FA2H: variants seen among roughly 807,000 people sequenced by gnomAD.
The protein encoded by FA2H is fatty acid 2-hydroxylase, also known as fatty acid alpha-hydroxylase.
FA2H carries 22 observed loss-of-function variants against 44.9 expected under a neutral mutation model. That is an observed-to-expected ratio of 0.49 (90% confidence interval 0.35 to 0.70). FA2H has a LOEUF of 0.70. Among genes scored for constraint, FA2H ranks in the 30% least tolerant of loss-of-function variants. FA2H has a pLI of 0.01. For synonymous variants in FA2H, 243 were observed against 213.2 expected (o/e 1.14, Z -1.22); for missense variants, 501 against 504.9 (o/e 0.99, Z 0.07).
At chr16:74,715,806 C>T (rs1367858249) in intron 6 of FA2H, among the ~76,000 whole-genome samples, 1 of 150,440 alleles carries the variant, frequency 6.6e-6, no homozygotes, top group Non-Finnish European at 1.5e-5. Context: ...TTACTTTCTT[C>T]TTCTTCTTCT....
In FA2H at chr16:74,726,683, G is replaced by A. The variant is rs138611569; in HGVS notation, c.507-352C>T. Reference sequence around the variant, plus strand: ...ATTACAGGCGTGAGCCACCATGCCCGGCAGGGTCCAGCTTTCTTAGAGACA... The same window carrying A: ...ATTACAGGCGTGAGCCACCATGCCCAGCAGGGTCCAGCTTTCTTAGAGACA... On this transcript the variant is annotated intron_variant, in intron 3 of 6. Coordinates refer to ENST00000219368, the MANE Select transcript of FA2H (RefSeq NM_024306.5). Among the ~76,000 whole-genome samples the A allele has an allele frequency of 5.3e-5, 8 of 152,290 alleles. No homozygotes were observed. In the East Asian group the frequency reaches 5.8e-4, roughly 11 times the overall value.
intron 1 of FA2H, among the ~76,000 whole-genome samples, chr16:74,771,275 C>T (rs1196140522): frequency 1.3e-5 from 2 of 152,172 alleles, no homozygotes; most frequent in Non-Finnish European, 2.9e-5. Context: ...ACTGCAACTT[C>T]TGCCTCCTGG....
intron 1 of FA2H, among the ~76,000 whole-genome samples, chr16:74,761,003 G>C (rs1260269031): frequency 6.6e-6 from 1 of 152,152 alleles, no homozygotes; most frequent in African/African-American, 2.4e-5. Flanking sequence ...GAGAATGGAT[G>C]CTGGGCTTAA....
intron 1 of FA2H, among the ~76,000 whole-genome samples, chr16:74,741,808 A>ATATATATATATGTGTGTGTGTGTG (rs1491185782): frequency 4.1e-5 from 2 of 48,416 alleles, no homozygotes; most frequent in African/African-American, 2.2e-4. Context: ...ATATATATAT[A>ATATATATATATGTGTGTGTGTGTG]TGTGTGTGTG....
chr16:74,725,516 A>G (rs950912927), intron 4 of FA2H, among the ~76,000 whole-genome samples: 2 of 152,144 alleles, frequency 1.3e-5, no homozygotes, highest in Non-Finnish European at 2.9e-5. Flanking sequence ...TCTGCCCCCC[A>G]GCTAGAAGCT....
chr16:74,731,875 CTTTCTT>C (rs1310027717), intron 2 of FA2H, among the ~76,000 whole-genome samples: 2 of 152,018 alleles, frequency 1.3e-5, no homozygotes, highest in Non-Finnish European at 2.9e-5. Flanking sequence ...TCCCCTGGTC[CTTTCTT>C]TTTCTTTTTG....
intron 6 of FA2H, among the ~76,000 whole-genome samples, chr16:74,714,990 C>T (rs1451856833): frequency 6.6e-6 from 1 of 151,962 alleles, no homozygotes; most frequent in Non-Finnish European, 1.5e-5. Flanking sequence ...GCGCGCACCA[C>T]CATATCCAGC....
At chr16:74,720,087 C>T (rs569208260) in intron 4 of FA2H, among the ~76,000 whole-genome samples, 52 of 149,850 alleles carry the variant, frequency 3.5e-4, no homozygotes, top group Middle Eastern at 3.4e-3. Flanking sequence ...GCAGTCCTAG[C>T]GGCTTTCAGC....
intron 1 of FA2H, among the ~76,000 whole-genome samples, chr16:74,756,653 C>G (rs992257828): frequency 2.6e-5 from 4 of 151,996 alleles, no homozygotes; most frequent in Admixed American, 2.0e-4. Context: ...GTAGTGATTT[C>G]ATTGGTATAG....
intron 2 of FA2H, among the ~76,000 whole-genome samples, chr16:74,739,613 C>G (rs957726622): frequency 3.9e-5 from 6 of 152,190 alleles, no homozygotes; most frequent in Admixed American, 6.5e-5. Flanking sequence ...CTCCTGTGCC[C>G]TGCACTGGCC....
intron 1 of FA2H, among the ~76,000 whole-genome samples, chr16:74,765,746 G>T (rs1416474848): frequency 1.3e-5 from 2 of 151,648 alleles, no homozygotes; most frequent in Non-Finnish European, 2.9e-5. Flanking sequence ...TAGACCTAAG[G>T]TCTCACTATG....
intron 1 of FA2H, among the ~76,000 whole-genome samples, chr16:74,750,839 A>G (rs538541544): frequency 6.6e-6 from 1 of 151,178 alleles, no homozygotes; most frequent in African/African-American, 2.4e-5. Flanking sequence ...GCAGTGGTGC[A>G]ATCATGGCTC....
At chr16:74,747,682 G>A (rs1962451391) in intron 1 of FA2H, among the ~76,000 whole-genome samples, 1 of 152,130 alleles carries the variant, frequency 6.6e-6, no homozygotes, top group Non-Finnish European at 1.5e-5. Context: ...GTCAAGAGCA[G>A]CTGGCAGCCC....
chr16:74,759,672 G>A (rs1433368116), intron 1 of FA2H, among the ~76,000 whole-genome samples: 1 of 152,242 alleles, frequency 6.6e-6, no homozygotes, highest in African/African-American at 2.4e-5. Flanking sequence ...CAGCAATCCT[G>A]GATCAGGCTG....
At chr16:74,752,866 CG>C (rs1480365900) in intron 1 of FA2H, among the ~76,000 whole-genome samples, 1 of 152,084 alleles carries the variant, frequency 6.6e-6, no homozygotes, top group Non-Finnish European at 1.5e-5. Context: ...GGAGTGAAGG[CG>C]GGAGGCCATC....
At chr16:74,715,982 A>C (rs1454592193) in intron 6 of FA2H, among the ~76,000 whole-genome samples, 2 of 151,824 alleles carry the variant, frequency 1.3e-5, no homozygotes, top group African/African-American at 4.8e-5. Context: ...CACCCCGCTA[A>C]TTTTTGTATT....
chr16:74,724,444 A>G (rs993504188), intron 4 of FA2H, among the ~76,000 whole-genome samples: 1 of 152,102 alleles, frequency 6.6e-6, no homozygotes. Flanking sequence ...GTGCGCATCT[A>G]GGAATGTCAG....
intron 1 of FA2H, among the ~76,000 whole-genome samples, chr16:74,759,885 G>A (rs1359013881): frequency 6.6e-6 from 1 of 152,172 alleles, no homozygotes; most frequent in Non-Finnish European, 1.5e-5. Flanking sequence ...GAGCACTGAT[G>A]GACATGGCAC....
chr16:74,736,337 G>C (rs973074657), intron 2 of FA2H, among the ~76,000 whole-genome samples: 1 of 152,148 alleles, frequency 6.6e-6, no homozygotes, highest in African/African-American at 2.4e-5. Flanking sequence ...GGCCCAAGGG[G>C]ACCCAAGGCG....
Sources: allele counts gnomAD v4.1 joint callset (sites outside exome capture counted in the v4.1 genomes callset), GRCh38; gene constraint gnomAD v4.1.1; transcripts MANE v1.5; gene names NCBI Gene and HGNC (gene_info 2026-07-23, HGNC 2026-07-21).